Variants in SSX7 observed in about 807,000 individuals in gnomAD.
SSX7 encodes the protein SSX family member 7.
Under a neutral mutation model 14.7 loss-of-function variants are expected in SSX7, and 15 were observed. The ratio of observed to expected loss-of-function variants is 1.02; its 90% CI spans 0.68 to 1.58. SSX7 has a LOEUF of 1.58. Ranked by LOEUF, SSX7 falls within the 40% of genes most tolerant of loss-of-function variation. SSX7 has a pLI of 0.00. For missense variants in SSX7, 178 were observed against 146.8 expected, an observed-to-expected ratio of 1.21 and a Z score of -1.10; for synonymous variants, 46 against 50.6, an observed-to-expected ratio of 0.91 and a Z score of 0.38.
Position 52,652,899 on chromosome X carries a change from T to C in SSX7, c.155A>G (p.Lys52Arg), listed in dbSNP as rs1556767209. The C allele has an allele frequency of 1.7e-6, 2 of 1,201,960 alleles. No homozygotes were observed. The highest frequency in any genetic ancestry group is 4.4e-5 in the Admixed American group (2 of 45,513). ...TTTAGTCATGGCCTCATACTTTCTC[T>C]TCATATACACATAGCTGATTTTCTC... The part of the protein sequence containing the change: ...SLEKISYVYM[K>R]RKYEAMTKLG... The change falls in exon 3 of 8, where the codon AAG (lysine) becomes AGG (arginine). Residue 52 changes from lysine (K) to arginine (R), a missense_variant. Lys to Arg is a conservative substitution (Grantham distance 26). Coordinates refer to ENST00000298181, the MANE Select transcript of SSX7 (RefSeq NM_173358.2).
Position 52,652,237 on chromosome X carries a change from T to A in SSX7, c.280+15A>T. The A allele has an allele frequency of 1.7e-6, 2 of 1,178,564 alleles. No individual in the cohort carries two copies. Among genetic ancestry groups the A allele is most frequent in the Non-Finnish European group, 2.3e-6 (2 of 866,458 alleles). ...GCTTGAGGAGACCCTTTCCAGCCCC[T>A]TCCCGTCTACTCACCCTGATTCCCT... On this transcript the variant is annotated intron_variant, in intron 4 of 7. Coordinates refer to ENST00000298181, the MANE Select transcript of SSX7 (RefSeq NM_173358.2).
At chrX:52,645,013 T>C in intron 7 of SSX7, among the ~76,000 whole-genome samples, 1 of 110,987 alleles carries the variant, frequency 9.0e-6, no homozygotes, top group East Asian at 2.9e-4. Flanking sequence ...TTCACGCCTG[T>C]AATCCCAGAA....
chrX:52,644,652 A>G lies in SSX7; in HGVS notation c.*23T>C. ...CCACGTTCTGCTTCTCATCATGGGCATATGTCGTATCCCCGAGGCTGAGGC... is the reference window on the plus strand; with the variant it reads ...CCACGTTCTGCTTCTCATCATGGGCGTATGTCGTATCCCCGAGGCTGAGGC... On this transcript the variant is annotated 3_prime_UTR_variant, in exon 8 of 8. Transcript: ENST00000298181. 1.7e-6 allele frequency: 2 copies of G among 1,196,584 alleles called. No individual in the cohort carries two copies. Among genetic ancestry groups the G allele is most frequent in the Non-Finnish European group, 2.2e-6 (2 of 894,232 alleles).
chrX:52,652,242 G>A lies in SSX7; in HGVS notation c.280+10C>T, dbSNP rs781826056. 318 of 1,185,071 alleles carry A rather than the reference G, an allele frequency of 2.7e-4. 1 individual carries two copies. The highest frequency in any genetic ancestry group is 2.3e-3 in the Admixed American group (105 of 45,103). On this transcript the variant is annotated intron_variant, in intron 4 of 7. Transcript: ENST00000298181. Reference sequence around the variant, plus strand: ...AGGAGACCCTTTCCAGCCCCTTCCCGTCTACTCACCCTGATTCCCTTGGTT... The same window carrying A: ...AGGAGACCCTTTCCAGCCCCTTCCCATCTACTCACCCTGATTCCCTTGGTT...
Position 52,648,310 on chromosome X carries a change from C to T in SSX7, c.417G>A (p.Leu139=). The T allele has an allele frequency of 7.4e-6, 9 of 1,211,667 alleles. No individual in the cohort carries two copies. The highest frequency in any genetic ancestry group is 1.0e-5 in the Non-Finnish European group (9 of 895,448). The part of the protein sequence containing the change: ...ASGSQNDGKH[L]CPPGKPSTSE... Reference sequence around the variant, plus strand: ...AGGTACTTGGTTTTCCTGGAGGGCACAGGTGTTTCCCATCGTTCTGTGAGC... The same window carrying T: ...AGGTACTTGGTTTTCCTGGAGGGCATAGGTGTTTCCCATCGTTCTGTGAGC... Residue 139 remains leucine, a synonymous_variant, in exon 6 of 8, where the codon CTG becomes CTA. Transcript: ENST00000298181.
intron 5 of SSX7, among the ~76,000 whole-genome samples, chrX:52,650,101 T>A (rs1232620861): frequency 9.9e-5 from 11 of 111,461 alleles, no homozygotes; most frequent in Middle Eastern, 4.8e-3. Flanking sequence ...CATACAGGTC[T>A]TCTTAAGGAT....
intron 2 of SSX7, 131 bp downstream of exon 2, chrX:52,653,273 C>T (rs1383599950): frequency 8.3e-7 from 1 of 1,202,809 alleles, no homozygotes; most frequent in African/African-American, 1.8e-5. Context: ...GGATGGGAGG[C>T]TCTCAAGGAT....
chrX:52,646,359 G>A (rs1385094967), intron 6 of SSX7, among the ~76,000 whole-genome samples: 80 of 112,586 alleles, frequency 7.1e-4, no homozygotes, highest in East Asian at 1.7e-3. Context: ...CACGGCGCCC[G>A]TCCGTGTTTT....
chrX:52,650,485 C>T, intron 4 of SSX7, 83 bp from the exon 5 acceptor site: 1 of 1,032,934 alleles, frequency 9.7e-7, no homozygotes, highest in African/African-American at 1.8e-5. Context: ...GGGTATTCTG[C>T]AGCAGAGTGT....
At chrX:52,651,086 A>C (rs1276834838) in intron 4 of SSX7, among the ~76,000 whole-genome samples, 1 of 112,082 alleles carries the variant, frequency 8.9e-6, no homozygotes, top group Non-Finnish European at 1.9e-5. Flanking sequence ...TCTCTACCGA[A>C]GAACCTGTCT....
At chrX:52,650,655 C>T (rs1456998761) in intron 4 of SSX7, among the ~76,000 whole-genome samples, 2 of 112,395 alleles carry the variant, frequency 1.8e-5, no homozygotes, top group Non-Finnish European at 3.7e-5. Flanking sequence ...TATTCCTTTA[C>T]ATATCTTTTA....
At chrX:52,647,044 A>C (rs1385499855) in intron 6 of SSX7, among the ~76,000 whole-genome samples, 1 of 112,669 alleles carries the variant, frequency 8.9e-6, no homozygotes, top group Non-Finnish European at 1.9e-5. Context: ...TTACTGCTCA[A>C]ATAGAGAAAG....
At chrX:52,652,624 A>G (rs782757586) in intron 3 of SSX7, among the ~76,000 whole-genome samples, 21 of 110,105 alleles carry the variant, frequency 1.9e-4, no homozygotes, top group Admixed American at 7.8e-4. Context: ...AGACACTTGG[A>G]CTCATCAGAA....
rs1556767498 is a variant in SSX7, at chrX:52,654,382, T to TTC, written c.-21+379_-21+380insGA. Among the ~76,000 whole-genome samples the TTC allele has an allele frequency of 3.9e-3, 383 of 98,044 alleles. 3 individuals are homozygous for TTC. Among genetic ancestry groups the TTC allele is most frequent in the African/African-American group, 0.014 (371 of 26,616 alleles). The allele number at this position is 98,044 out of a possible 115,157, so 85.1% of individuals were successfully genotyped here. A position where few individuals can be genotyped will look rare whatever the true frequency, so the allele number is the denominator to read the frequency against. ...TGAGTGAGTTTTTTTTTTTTTTTTT[T>TTC]TTTGAGTCATGGTCTCTCTCTGCTG... On this transcript the variant is annotated intron_variant, in intron 1 of 7. Transcript: ENST00000298181.
intron 7 of SSX7, among the ~76,000 whole-genome samples, chrX:52,645,068 G>C (rs1266982661): frequency 9.0e-6 from 1 of 110,888 alleles, no homozygotes; most frequent in Non-Finnish European, 1.9e-5. Context: ...AGGAGACCGA[G>C]ACCATCCTGG....
In SSX7 at chrX:52,652,296, A is replaced by T; in HGVS notation, c.236T>A (p.Leu79His). The T allele has an allele frequency of 2.5e-6, 3 of 1,209,496 alleles. No individual in the cohort carries two copies. The highest frequency in any genetic ancestry group is 2.2e-6 in the Non-Finnish European group (2 of 894,410). Reference sequence around the variant, plus strand: ...GTCATTATCAAAATCATTCCCCTGGAGGTCTGTGGCCCCTGTATTATGCAT... The same window carrying T: ...GTCATTATCAAAATCATTCCCCTGGTGGTCTGTGGCCCCTGTATTATGCAT... ...PFMHNTGATD[L>H]QGNDFDNDRN... The change falls in exon 4 of 8, where the codon CTC (leucine) becomes CAC (histidine). Residue 79 changes from leucine to histidine, a missense_variant. Leu to His is a moderately conservative substitution (Grantham distance 99). Transcript: ENST00000298181.
intron 6 of SSX7, among the ~76,000 whole-genome samples, chrX:52,646,716 C>T (rs1425883895): frequency 1.8e-5 from 2 of 111,665 alleles, no homozygotes; most frequent in African/African-American, 6.5e-5. Flanking sequence ...TTGGACCTCC[C>T]TATTTCTTGA....
At position 52,644,680 on chromosome X, in the gene SSX7, G is replaced by T; in HGVS notation, c.*5-10C>A. 8.4e-7 allele frequency: 1 copy of T among 1,196,040 alleles called. No individual in the cohort carries two copies. ...TGTCGTATCCCCGAGGCTGAGGCAA[G>T]AAGAGAGAAGGAAAGTAAGTGGCAG... On this transcript the variant is annotated splice_polypyrimidine_tract_variant and intron_variant, in intron 7 of 7. Coordinates refer to ENST00000298181, the MANE Select transcript of SSX7 (RefSeq NM_173358.2).
At chrX:52,652,777 T>C (rs1220549105) in intron 3 of SSX7, 93 bp downstream of exon 3, 20 of 850,362 alleles carry the variant, frequency 2.4e-5, no homozygotes, top group Non-Finnish European at 3.2e-5. Flanking sequence ...AAGGAAAATG[T>C]GGGGTACTTT....
Sources: gnomAD v4.1 joint callset for allele counts (sites outside exome capture counted in the v4.1 genomes callset) on GRCh38, gnomAD v4.1.1 for gene constraint, MANE v1.5 for transcripts, NCBI Gene and HGNC (gene_info 2026-07-23, HGNC 2026-07-21) for gene names.